The following SPMIP2 variants were observed in gnomAD, a reference collection of about 807,000 sequenced individuals.
SPMIP2 encodes the protein protein SPMIP2.
chr4:159,082,461 G>GTGTGTGTGTGTA, the SPMIP2 span, among the ~76,000 whole-genome samples: 2 of 148,060 alleles, frequency 1.4e-5, no homozygotes, highest in African/African-American at 5.0e-5. Context: ...GTGTGTGTGT[G>GTGTGTGTGTGTA]TGTGTGTGTG....
chr4:158,955,704 C>A, the SPMIP2 span, among the ~76,000 whole-genome samples: 1 of 152,206 alleles, frequency 6.6e-6, no homozygotes, highest in Non-Finnish European at 1.5e-5. Context: ...CTATGCCTGG[C>A]CTGAGCCACT....
chr4:159,021,616 T>C, the SPMIP2 span, among the ~76,000 whole-genome samples: 1 of 152,230 alleles, frequency 6.6e-6, no homozygotes, highest in Admixed American at 6.5e-5. Context: ...AGAAGTAGAA[T>C]CAATACAATG....
chr4:158,943,858 C>CTTTT, the SPMIP2 span, among the ~76,000 whole-genome samples: 28 of 101,910 alleles, frequency 2.7e-4, 3 homozygotes, highest in African/African-American at 1.0e-3. Flanking sequence ...TTGACATTTT[C>CTTTT]TTTTTTTTTT....
the SPMIP2 span, among the ~76,000 whole-genome samples, chr4:159,060,340 T>C: frequency 6.6e-6 from 1 of 152,324 alleles, no homozygotes; most frequent in Non-Finnish European, 1.5e-5. Context: ...ATGAGGTCAT[T>C]GTACTTGCTG....
chr4:158,917,122 C>T, the SPMIP2 span, among the ~76,000 whole-genome samples: 15 of 152,216 alleles, frequency 9.9e-5, no homozygotes, highest in South Asian at 2.1e-4. Flanking sequence ...TAATGGCACA[C>T]GCCTGTAGTC....
At chr4:158,911,208 G>A in the SPMIP2 span, among the ~76,000 whole-genome samples, 9,996 of 152,070 alleles carry the variant, frequency 0.066, 413 homozygotes, top group African/African-American at 0.12. Context: ...CCAGCGCGGT[G>A]GCTCATTCCA....
the SPMIP2 span, among the ~76,000 whole-genome samples, chr4:158,963,416 C>T: frequency 9.9e-5 from 15 of 152,186 alleles, no homozygotes; most frequent in African/African-American, 3.6e-4. Context: ...ATTCTCCCAC[C>T]TCAGCCTTCT....
chr4:159,023,479 C>A, the SPMIP2 span, among the ~76,000 whole-genome samples: 2 of 152,304 alleles, frequency 1.3e-5, no homozygotes, highest in African/African-American at 4.8e-5. Context: ...GTTGGTTCTG[C>A]TTCTCTAGAG....
At chr4:158,965,668 T>TTA in the SPMIP2 span, among the ~76,000 whole-genome samples, 115 of 145,972 alleles carry the variant, frequency 7.9e-4, 3 homozygotes, top group Admixed American at 7.9e-3. Context: ...AGTTTCTATT[T>TTA]AAAAAAAAAA....
At chr4:159,082,544 T>C in the SPMIP2 span, among the ~76,000 whole-genome samples, 2 of 146,612 alleles carry the variant, frequency 1.4e-5, no homozygotes, top group South Asian at 4.3e-4. Context: ...CTGGAAAAAA[T>C]GAATGGACTG....
the SPMIP2 span, among the ~76,000 whole-genome samples, chr4:159,056,786 G>C: frequency 4.6e-5 from 7 of 152,094 alleles, no homozygotes; most frequent in African/African-American, 1.4e-4. Context: ...AAGTGGGGTG[G>C]GGATCCATGG....
the SPMIP2 span, among the ~76,000 whole-genome samples, chr4:159,069,906 T>C: frequency 2.6e-5 from 4 of 152,168 alleles, no homozygotes; most frequent in East Asian, 1.9e-4. Context: ...CGAAGTCTAC[T>C]GGAAGGCTTT....
chr4:158,948,587 G>GT, the SPMIP2 span, among the ~76,000 whole-genome samples: 1 of 140,190 alleles, frequency 7.1e-6, no homozygotes, highest in Non-Finnish European at 1.5e-5. Context: ...CCTGTATGTG[G>GT]TTTGTTTTTT....
the SPMIP2 span, among the ~76,000 whole-genome samples, chr4:159,077,305 C>A: frequency 6.6e-6 from 1 of 151,954 alleles, no homozygotes; most frequent in East Asian, 1.9e-4. Flanking sequence ...TGCCACCACG[C>A]CTGGCTAATT....
At chr4:158,998,008 A>G in the SPMIP2 span, among the ~76,000 whole-genome samples, 1 of 151,990 alleles carries the variant, frequency 6.6e-6, no homozygotes. Context: ...TTTTTTTTTA[A>G]AGGTCAGATA....
the SPMIP2 span, among the ~76,000 whole-genome samples, chr4:158,917,416 G>A: frequency 3.3e-5 from 5 of 151,716 alleles, no homozygotes; most frequent in Admixed American, 1.3e-4. Context: ...GACAGAGCAG[G>A]GGGAAAAAAA....
the SPMIP2 span, among the ~76,000 whole-genome samples, chr4:159,056,217 C>A: frequency 6.6e-6 from 1 of 152,182 alleles, no homozygotes; most frequent in Non-Finnish European, 1.5e-5. Context: ...GGCTTACATC[C>A]CAAAACAGAC....
chr4:159,049,455 T>G, the SPMIP2 span, among the ~76,000 whole-genome samples: 1 of 152,196 alleles, frequency 6.6e-6, no homozygotes, highest in Non-Finnish European at 1.5e-5. Flanking sequence ...TTTTAAAAAA[T>G]TCTTATTGAT....
At chr4:158,973,086 T>C in the SPMIP2 span, 10 of 1,570,684 alleles carry the variant, frequency 6.4e-6, no homozygotes, top group Admixed American at 1.4e-4. Flanking sequence ...TACCTTGATA[T>C]GAAAGCCACT....
Sources: gnomAD v4.1 joint callset for allele counts (sites outside exome capture counted in the v4.1 genomes callset) on GRCh38, gnomAD v4.1.1 for gene constraint, MANE v1.5 for transcripts, NCBI Gene and HGNC (gene_info 2026-07-23, HGNC 2026-07-21) for gene names.